NRG1: variants seen among roughly 807,000 people sequenced by gnomAD.
NRG1 encodes neuregulin 1.
NRG1 carries 18 observed loss-of-function variants against 63.8 expected under a neutral mutation model. The observed-to-expected ratio is 0.28, with a 90% confidence interval of 0.19 to 0.42. The LOEUF is 0.42. NRG1 is among the 10% of genes least tolerant of loss of function. The pLI, the probability that NRG1 is intolerant of heterozygous loss-of-function variation, is 1.00. For synonymous variants in NRG1, 302 were observed against 301.3 expected, an observed-to-expected ratio of 1.00 and a Z score of -0.02; for missense variants, 762 against 814.7, an observed-to-expected ratio of 0.94 and a Z score of 0.79.
At chr8:32,562,131 T>C (rs776974096) in intron 1 of NRG1, among the ~76,000 whole-genome samples, 2 of 152,102 alleles carry the variant, frequency 1.3e-5, no homozygotes, top group African/African-American at 2.4e-5. Flanking sequence ...AGTCTGCTGA[T>C]TCATACCCAG....
chr8:31,760,550 C>G, intron 1 of NRG1, among the ~76,000 whole-genome samples: 1 of 152,096 alleles, frequency 6.6e-6, no homozygotes, highest in Admixed American at 6.6e-5. Flanking sequence ...GCAACCTACT[C>G]ATCTGACAAA....
chr8:32,124,296 C>T (rs1233097952), intron 1 of NRG1, among the ~76,000 whole-genome samples: 15 of 151,830 alleles, frequency 9.9e-5, no homozygotes, highest in Non-Finnish European at 1.8e-4. Context: ...TATTTCCATG[C>T]AATTAATTGC....
intron 1 of NRG1, among the ~76,000 whole-genome samples, chr8:32,070,110 T>C (rs2131016927): frequency 6.6e-6 from 1 of 152,240 alleles, no homozygotes; most frequent in East Asian, 1.9e-4. Context: ...TAGTGGAAAT[T>C]ACATGTATTT....
intron 1 of NRG1, among the ~76,000 whole-genome samples, chr8:32,580,788 A>G (rs1840495057): frequency 6.6e-6 from 1 of 152,212 alleles, no homozygotes; most frequent in African/African-American, 2.4e-5. Flanking sequence ...TTTTTAATAA[A>G]TAAGTGTTTT....
chr8:32,666,763 C>T (rs936456910), intron 5 of NRG1, among the ~76,000 whole-genome samples: 6 of 152,132 alleles, frequency 3.9e-5, no homozygotes, highest in African/African-American at 1.4e-4. Flanking sequence ...AAACTCTGTA[C>T]CCATTGAACA....
intron 1 of NRG1, among the ~76,000 whole-genome samples, chr8:32,530,472 ACTCTAT>A (rs2129517484): frequency 6.6e-6 from 1 of 152,000 alleles, no homozygotes; most frequent in East Asian, 1.9e-4. Flanking sequence ...TATGGAAATG[ACTCTAT>A]TTCCATACAG....
rs529239375 is a variant in NRG1, at chr8:32,654,913, T to C, written c.502+38028T>C. On this transcript the variant is annotated intron_variant, in intron 5 of 11. Coordinates refer to ENST00000356819, the Ensembl canonical transcript of NRG1. ...GTTCTCTCAGTTTATTGTCTCAGGG[T>C]GTTAGCTTTCCAGTGGGTAGACTTG... Among the ~76,000 whole-genome samples the C allele has an allele frequency of 2.0e-5, 3 of 152,258 alleles. No homozygotes were observed. In the East Asian group the frequency reaches 5.8e-4, roughly 29 times the overall value.
chr8:32,182,584 G>T (rs759023816), intron 1 of NRG1, among the ~76,000 whole-genome samples: 27 of 152,122 alleles, frequency 1.8e-4, no homozygotes, highest in Non-Finnish European at 3.5e-4. Flanking sequence ...AAGGAAGTCT[G>T]GTGTGGTCGA....
chr8:32,596,613 AT>A (rs1843417438), intron 2 of NRG1, among the ~76,000 whole-genome samples: 1 of 151,280 alleles, frequency 6.6e-6, no homozygotes, highest in Non-Finnish European at 1.5e-5. Flanking sequence ...AAAAAAAAAA[AT>A]GCAATTTCTT....
chr8:32,358,930 A>C (rs1202210475), intron 1 of NRG1, among the ~76,000 whole-genome samples: 1 of 152,196 alleles, frequency 6.6e-6, no homozygotes, highest in African/African-American at 2.4e-5. Flanking sequence ...ACAAATTCTA[A>C]GAAATCATGG....
Position 32,101,002 on chromosome 8 carries a change from G to A in NRG1, c.37+461571G>A, listed in dbSNP as rs538414070. Among the ~76,000 whole-genome samples, 5 of 146,986 alleles carry A rather than the reference G, an allele frequency of 3.4e-5. No individual in the cohort carries two copies. The South Asian group carries it at 1.1e-3, about 33-fold the overall frequency. On this transcript the variant is annotated intron_variant, in intron 1 of 10. Transcript: ENST00000519301. The stretch of plus-strand genomic sequence containing the variant: ...ATGCAAAGGACAGGTCTGCTTATTA[G>A]TGCCAAAATTTGTATTTATTCCCAT...
At chr8:31,872,156 C>G (rs1322706694) in intron 1 of NRG1, among the ~76,000 whole-genome samples, 2 of 152,120 alleles carry the variant, frequency 1.3e-5, no homozygotes, top group African/African-American at 4.8e-5. Context: ...TCTTAGATGC[C>G]GTGGGGATGG....
At chr8:32,438,108 C>G (rs1406287199) in intron 1 of NRG1, among the ~76,000 whole-genome samples, 1 of 152,162 alleles carries the variant, frequency 6.6e-6, no homozygotes, top group Admixed American at 6.6e-5. Flanking sequence ...GATATTGACA[C>G]TGATACAATC....
At position 31,776,680 on chromosome 8, in the gene NRG1, T is replaced by TCCTCCC. The variant is rs764842456; in HGVS notation, c.37+137259_37+137264dup. Among the ~76,000 whole-genome samples the TCCTCCC allele has an allele frequency of 4.0e-3, 603 of 152,072 alleles. 2 individuals are homozygous for TCCTCCC. The highest frequency in any genetic ancestry group is 4.3e-3 in the Non-Finnish European group (295 of 67,982). ...CATTAGGTATATCTCCTAATGCTAT[T>TCCTCCC]CCTCCCCCTCCCCCTACCCCACAAC... On this transcript the variant is annotated intron_variant, in intron 1 of 10. Coordinates refer to the NRG1 transcript ENST00000519301.
chr8:32,338,984 G>T (rs767669724), intron 1 of NRG1, among the ~76,000 whole-genome samples: 1 of 152,100 alleles, frequency 6.6e-6, no homozygotes, highest in Non-Finnish European at 1.5e-5. Flanking sequence ...GGAGAAACAG[G>T]ATAAGGAATA....
intron 5 of NRG1, among the ~76,000 whole-genome samples, chr8:32,688,515 A>G (rs1261178573): frequency 6.6e-6 from 1 of 152,158 alleles, no homozygotes; most frequent in East Asian, 1.9e-4. Context: ...ATTACCATTT[A>G]TTACTTTTCA....
intron 1 of NRG1, among the ~76,000 whole-genome samples, chr8:31,985,209 G>A (rs1809847110): frequency 6.6e-6 from 1 of 152,176 alleles, no homozygotes; most frequent in South Asian, 2.1e-4. Context: ...AGGAGAAAAA[G>A]GAGAGAGAGG....
At chr8:31,804,548 C>T (rs370043546) in intron 1 of NRG1, among the ~76,000 whole-genome samples, 1 of 152,102 alleles carries the variant, frequency 6.6e-6, no homozygotes, top group Non-Finnish European at 1.5e-5. Flanking sequence ...ATATTAGAAC[C>T]TGTTATATAT....
At chr8:32,213,034 A>G (rs2132406955) in intron 1 of NRG1, among the ~76,000 whole-genome samples, 1 of 152,316 alleles carries the variant, frequency 6.6e-6, no homozygotes, top group African/African-American at 2.4e-5. Flanking sequence ...AGGTAAAGCA[A>G]AGTCTACCTT....
Sources: gnomAD v4.1 joint callset for allele counts (sites outside exome capture counted in the v4.1 genomes callset) on GRCh38, gnomAD v4.1.1 for gene constraint, MANE v1.5 for transcripts, NCBI Gene and HGNC (gene_info 2026-07-23, HGNC 2026-07-21) for gene names.